DNAJC17: variants seen among roughly 807,000 people sequenced by gnomAD.
The protein encoded by DNAJC17 is dnaJ homolog subfamily C member 17.
DNAJC17 carries 35 observed loss-of-function variants against 48.1 expected under a neutral mutation model. That is an observed-to-expected ratio of 0.73 (90% CI 0.56 to 0.96). DNAJC17 has a LOEUF of 0.96. Among genes scored for constraint, DNAJC17 ranks in the 50% least tolerant of loss-of-function variants. The pLI, the probability that DNAJC17 is intolerant of heterozygous loss-of-function variation, is 0.00. For synonymous variants in DNAJC17, 117 were observed against 142.7 expected (o/e 0.82, Z 1.28); for missense variants, 355 against 377.1 (o/e 0.94, Z 0.48).
chr15:40,777,194 C>T (rs1889351715), intron 4 of DNAJC17, among the ~76,000 whole-genome samples: 1 of 152,006 alleles, frequency 6.6e-6, no homozygotes, highest in Non-Finnish European at 1.5e-5. Context: ...CAACCATGTG[C>T]CAGGCCAGCT....
At chr15:40,794,979 A>G (rs552004560) in intron 1 of DNAJC17, among the ~76,000 whole-genome samples, 2 of 151,460 alleles carry the variant, frequency 1.3e-5, no homozygotes, top group East Asian at 3.9e-4. Flanking sequence ...TCGGCCTCCC[A>G]AAGTGCTCGG....
At position 40,769,073 on chromosome 15, in the gene DNAJC17, G is replaced by T. The variant is rs1438260708; in HGVS notation, c.793-1011C>A. Among the ~76,000 whole-genome samples the T allele has an allele frequency of 1.3e-5, 2 of 152,244 alleles. No homozygotes were observed. The highest frequency in any genetic ancestry group is 4.8e-5 in the African/African-American group (2 of 41,474). ...TGAGATGCCAGGCCCTGGCCAGCAG[G>T]TTTGGAGTAAGGGGTGTAGAGAAAC... On this transcript the variant is annotated intron_variant, in intron 10 of 10. Transcript: ENST00000220496. The surrounding 1 kb of genome is among the most constrained non-coding windows in gnomAD (Gnocchi z 4.2).
In DNAJC17 at chr15:40,767,485, G is replaced by A. The variant is rs1406468335; in HGVS notation, c.*455C>T. ...CACCGCCATGGGCCCAGCCCCAAAGGGCAGTGAATGGCCTTCTCTGAAACC... is the reference window on the plus strand; with the variant it reads ...CACCGCCATGGGCCCAGCCCCAAAGAGCAGTGAATGGCCTTCTCTGAAACC... On this transcript the variant is annotated 3_prime_UTR_variant, in exon 11 of 11. Transcript: ENST00000220496. 5.1e-6 allele frequency: 5 copies of A among 977,382 alleles called. No homozygotes were observed. Among genetic ancestry groups the A allele is most frequent in the Non-Finnish European group, 7.3e-6 (5 of 689,614 alleles). The allele number at this position is 977,382 out of a possible 1,614,324, so 60.5% of individuals were successfully genotyped here. A position where few individuals can be genotyped will look rare whatever the true frequency, so the allele number is the denominator to read the frequency against.
rs1269936794 is a variant in DNAJC17 at position 40,776,572 on chromosome 15, C to G, written c.351G>C (p.Glu117Asp). 1 of 1,613,930 alleles carries G rather than the reference C, an allele frequency of 6.2e-7. No homozygotes were observed. Among genetic ancestry groups the G allele is most frequent in the African/African-American group, 1.3e-5 (1 of 74,928 alleles). ...AQAQESEEEE[E>D]SRSTRTLEQE... ...GCTCTAGTGTCCTGGTGCTCCGGCT[C>G]TCCTCTTCCTCCTCACTCTCCTGGG... Residue 117 changes from glutamate (E) to aspartate (D), a missense_variant, in exon 5 of 11, where the codon GAG becomes GAC. Physicochemically the swap from Glu to Asp is conservative, Grantham distance 45 (BLOSUM62 2). Around this residue, in one of 3 missense-constraint regions of DNAJC17, gnomAD observed 199 missense variants for 199.9 expected, o/e 1.00. Transcript: ENST00000220496.
Position 40,766,887 on chromosome 15 carries a change from G to C in DNAJC17, c.*1053C>G, listed in dbSNP as rs146608808. ...TCCTCCTACCTGGAAGCCTGGGTGG[G>C]GAGCAAGCCCAGGGAGGGCGGCAGC... On this transcript the variant is annotated 3_prime_UTR_variant, in exon 11 of 11. Transcript: ENST00000220496. 69 of 176,500 alleles carry C rather than the reference G, an allele frequency of 3.9e-4. 2 individuals are homozygous for C. In the East Asian group the frequency reaches 9.3e-3, roughly 24 times the overall value. The allele number at this position is 176,500 out of a possible 1,614,324, so 10.9% of individuals were successfully genotyped here. A position where few individuals can be genotyped will look rare whatever the true frequency, so the allele number is the denominator to read the frequency against.
chr15:40,797,014 G>A (rs1056313637), intron 1 of DNAJC17, among the ~76,000 whole-genome samples: 1 of 152,004 alleles, frequency 6.6e-6, no homozygotes, highest in African/African-American at 2.4e-5. Context: ...CAATCCTCCT[G>A]CCTCAGTCTC....
intron 10 of DNAJC17, 56 bp from the exon 11 acceptor site, chr15:40,768,118 A>C: frequency 6.7e-7 from 1 of 1,489,562 alleles, no homozygotes; most frequent in Non-Finnish European, 8.9e-7. Context: ...ACAGCCTCAC[A>C]GACTCCGAGT....
At chr15:40,779,730 G>A in intron 2 of DNAJC17, 127 bp from the exon 3 acceptor site, 1 of 1,195,468 alleles carries the variant, frequency 8.4e-7, no homozygotes. Context: ...ATCAGCAGAT[G>A]ACAGACCAAC....
Position 40,767,965 on chromosome 15 carries a change from TC to T in DNAJC17, c.889del (p.Glu297LysfsTer26). 6.2e-7 allele frequency: 1 copy of T among 1,612,938 alleles called. No individual in the cohort carries two copies. ...RQQLIARMQQ[E>X]DQEGPPT is the part of the protein sequence containing the mutation. ...CTACGTAGGCGGCCCCTCCTGGTCT[TC>T]CTGCTGCATCCGTGCGATCAGCTGT... On this transcript the variant is annotated frameshift_variant, in exon 11 of 11. Transcript: ENST00000220496. LOFTEE classifies it high-confidence loss of function.
At position 40,807,428 on chromosome 15, in the gene DNAJC17, G is replaced by C. The variant is rs750779761; in HGVS notation, c.19C>G (p.Leu7Val). ...AGCGCGTACAGGTCCATCTGTAAGA[G>C]CTCCTTGGTCACTGCCATGGTTCCG... Reference protein sequence around the residue: MAVTKELLQMDLYALLG... With the variant: MAVTKEVLQMDLYALLG... The change falls in exon 1 of 11, where the codon CTC (leucine) becomes GTC (valine). Residue 7 changes from leucine (L) to valine (V), a missense_variant. Leu to Val is a conservative substitution (Grantham distance 32). Coordinates refer to ENST00000220496, the MANE Select transcript of DNAJC17 (RefSeq NM_018163.3). The C allele has an allele frequency of 6.2e-7, 1 of 1,614,256 alleles. No homozygotes were observed. Among genetic ancestry groups the C allele is most frequent in the Non-Finnish European group, 8.5e-7 (1 of 1,180,036 alleles).
chr15:40,786,242 A>G (rs12912147), intron 1 of DNAJC17, among the ~76,000 whole-genome samples: 84,334 of 152,186 alleles, frequency 0.55, 24,323 homozygotes, highest in African/African-American at 0.71. Context: ...CTATCACAAA[A>G]TTGGGAAGGA....
intron 1 of DNAJC17, 26 bp downstream of exon 1, chr15:40,807,343 T>A: frequency 6.2e-7 from 1 of 1,614,224 alleles, no homozygotes; most frequent in Non-Finnish European, 8.5e-7. Context: ...CCTCTCAAGA[T>A]CAGCCTTCCT....
At chr15:40,794,661 C>A (rs370054127) in intron 1 of DNAJC17, among the ~76,000 whole-genome samples, 2 of 152,060 alleles carry the variant, frequency 1.3e-5, no homozygotes, top group African/African-American at 4.8e-5. Context: ...AAAGCGAGAC[C>A]ATCTTTAAAA....
At chr15:40,807,238 T>C in intron 1 of DNAJC17, 131 bp downstream of exon 1, 1 of 1,565,738 alleles carries the variant, frequency 6.4e-7, no homozygotes, top group Non-Finnish European at 8.6e-7. Flanking sequence ...GCGGAGGGCA[T>C]AGCGCCGACC....
At chr15:40,777,577 G>A (rs1355778451) in intron 4 of DNAJC17, among the ~76,000 whole-genome samples, 3 of 152,018 alleles carry the variant, frequency 2.0e-5, no homozygotes, top group African/African-American at 7.2e-5. Context: ...AAATTAGCCG[G>A]GTGTGGTGGT....
Position 40,767,769 on chromosome 15 carries a change from C to T in DNAJC17, c.*171G>A. On this transcript the variant is annotated 3_prime_UTR_variant, in exon 11 of 11. Transcript: ENST00000220496. The stretch of plus-strand genomic sequence containing the variant: ...GACTCTCACCCTGCGGAGCGTTTCC[C>T]TGGGGGTCTGCCCACTTCCTGGGAG... 1 of 951,992 alleles carries T rather than the reference C, an allele frequency of 1.1e-6. No homozygotes were observed. The highest frequency in any genetic ancestry group is 1.5e-6 in the Non-Finnish European group (1 of 662,866). 59.0% of individuals were successfully genotyped at this position (951,992 alleles called of 1,614,324 possible). A position where few individuals can be genotyped will look rare whatever the true frequency, so the allele number is the denominator to read the frequency against.
chr15:40,769,329 C>T lies in DNAJC17; in HGVS notation c.793-1267G>A, dbSNP rs1422575901. Among the ~76,000 whole-genome samples the T allele has an allele frequency of 1.3e-5, 2 of 152,198 alleles. No individual in the cohort carries two copies. The highest frequency in any genetic ancestry group is 1.9e-4 in the East Asian group (1 of 5,196). On this transcript the variant is annotated intron_variant, in intron 10 of 10. Coordinates refer to ENST00000220496, the MANE Select transcript of DNAJC17 (RefSeq NM_018163.3). The surrounding 1 kb of genome is among the most constrained non-coding windows in gnomAD (Gnocchi z 4.2). ...GAGCACAGCCAGGTAGGAGGCAACA[C>T]GGCCCGGCCTTCAGCAGCCGCTCTC...
intron 1 of DNAJC17, among the ~76,000 whole-genome samples, chr15:40,789,265 G>A (rs2141957311): frequency 6.6e-6 from 1 of 152,034 alleles, no homozygotes; most frequent in East Asian, 1.9e-4. Context: ...ACGCCCTTTG[G>A]GCTCTGGTTC....
rs558827235 is a variant in DNAJC17 at position 40,765,569 on chromosome 15, G to A, written c.*2371C>T. On this transcript the variant is annotated 3_prime_UTR_variant, in exon 11 of 11. Transcript: ENST00000220496. ...TCCTCCCACCTCAGCCTCAGTAGCT[G>A]GAACTATAGGCTCGTGATACTTTGC... The A allele has an allele frequency of 1.7e-4, 52 of 300,672 alleles. No homozygotes were observed. Among genetic ancestry groups the A allele is most frequent in the African/African-American group, 1.1e-3 (51 of 46,286 alleles). The allele number at this position is 300,672 out of a possible 1,614,324, so 18.6% of individuals were successfully genotyped here.
Sources: allele counts gnomAD v4.1 joint callset (sites outside exome capture counted in the v4.1 genomes callset), GRCh38; gene constraint gnomAD v4.1.1; regional missense constraint gnomAD v4.1.1; non-coding constraint Gnocchi (gnomAD v3.1); transcripts MANE v1.5; gene names NCBI Gene and HGNC (gene_info 2026-07-23, HGNC 2026-07-21).